Variants in TMCC3 observed in about 807,000 individuals in gnomAD.
TMCC3 encodes transmembrane and coiled-coil domain protein 3.
TMCC3 carries 28 observed loss-of-function variants against 40.2 expected under a neutral mutation model. The ratio of observed to expected loss-of-function variants is 0.70; its 90% CI spans 0.52 to 0.95. The LOEUF is 0.95. Ranked by LOEUF, TMCC3 falls within the 40% of genes least tolerant of loss-of-function variation. The probability of loss-of-function intolerance (pLI) is 0.00; values close to 1 mark genes in which losing one functional copy is unlikely to be tolerated. For synonymous variants in TMCC3, 255 were observed against 248.5 expected (o/e 1.03, Z -0.25); for missense variants, 554 against 615.2 (o/e 0.90, Z 1.05).
Position 94,609,617 on chromosome 12 carries a change from T to C in TMCC3, c.79-27079A>G, listed in dbSNP as rs549180490. 2.0e-5 allele frequency among the ~76,000 whole-genome samples: 3 copies of C among 152,326 alleles called. No homozygotes were observed. In the South Asian group the frequency reaches 6.2e-4, roughly 32 times the overall value. On this transcript the variant is annotated intron_variant, in intron 1 of 3. Transcript: ENST00000261226. ...TTTGCTATTTTCATATTATTTTCTA[T>C]GGGTAAAATTATGTATCAGGTAAGA...
chr12:94,600,827 C>T (rs1432341440), intron 1 of TMCC3, among the ~76,000 whole-genome samples: 1 of 152,164 alleles, frequency 6.6e-6, no homozygotes, highest in Non-Finnish European at 1.5e-5. Flanking sequence ...GTTTTATCAT[C>T]TTTGCTGGGT....
chr12:94,593,412 A>G, intron 1 of TMCC3, among the ~76,000 whole-genome samples: 1 of 69,368 alleles, frequency 1.4e-5, no homozygotes, highest in African/African-American at 7.7e-5. Flanking sequence ...AAGAAGAAGG[A>G]AGAAGAAGAA....
chr12:94,596,025 A>G (rs1276215521), intron 1 of TMCC3, among the ~76,000 whole-genome samples: 9 of 152,362 alleles, frequency 5.9e-5, no homozygotes, highest in Non-Finnish European at 1.0e-4. Context: ...TTTTCAAAAG[A>G]TAAATCAGAT....
chr12:94,567,645 C>G lies in TMCC3; in HGVS notation c.*3790G>C, dbSNP rs1199793790. On this transcript the variant is annotated 3_prime_UTR_variant, in exon 4 of 4. Coordinates refer to ENST00000261226, the MANE Select transcript of TMCC3 (RefSeq NM_020698.4). ...TTTATCTTTTTAAACCAACTCGTTC[C>G]TTTGTGCATGTGCTAACCTTAAAAC... 6.6e-6 allele frequency: 1 copy of G among 152,012 alleles called. No individual in the cohort carries two copies. Among genetic ancestry groups the G allele is most frequent in the Non-Finnish European group, 1.5e-5 (1 of 68,024 alleles). The allele number at this position is 152,012 out of a possible 1,614,324, so 9.4% of individuals were successfully genotyped here. A position where few individuals can be genotyped will look rare whatever the true frequency, so the allele number is the denominator to read the frequency against.
intron 1 of TMCC3, among the ~76,000 whole-genome samples, chr12:94,610,293 C>T (rs1392577359): frequency 6.6e-6 from 1 of 152,108 alleles, no homozygotes; most frequent in Non-Finnish European, 1.5e-5. Flanking sequence ...AAATACATTC[C>T]TTTTCCCCAG....
intron 1 of TMCC3, among the ~76,000 whole-genome samples, chr12:94,611,163 T>C (rs978109873): frequency 6.6e-6 from 1 of 152,174 alleles, no homozygotes; most frequent in Non-Finnish European, 1.5e-5. Context: ...AACTGAATTT[T>C]GTTTATGTAA....
chr12:94,629,226 T>C (rs1379972432), intron 1 of TMCC3, among the ~76,000 whole-genome samples: 1 of 152,144 alleles, frequency 6.6e-6, no homozygotes, highest in Non-Finnish European at 1.5e-5. Flanking sequence ...CTACCAACAA[T>C]GTCCTACAAA....
rs983928084 is a variant in TMCC3, at chr12:94,604,096, A to G, written c.79-21558T>C. Among the ~76,000 whole-genome samples, 10 of 152,362 alleles carry G rather than the reference A, an allele frequency of 6.6e-5. 1 individual carries two copies. The highest frequency in any genetic ancestry group is 6.5e-4 in the Admixed American group (10 of 15,308). On this transcript the variant is annotated intron_variant, in intron 1 of 3. Transcript: ENST00000261226. Reference sequence around the variant, plus strand: ...CACGTGTACTACTAGCAAGGCATTAATATCTGTGGTTTAACTGAATACATC... The same window carrying G: ...CACGTGTACTACTAGCAAGGCATTAGTATCTGTGGTTTAACTGAATACATC...
intron 1 of TMCC3, among the ~76,000 whole-genome samples, chr12:94,648,744 G>C (rs1264362132): frequency 3.9e-5 from 6 of 152,172 alleles, no homozygotes; most frequent in Non-Finnish European, 8.8e-5. Context: ...AGTTGCATGA[G>C]TTTTGCCAAA....
At position 94,571,719 on chromosome 12, in the gene TMCC3, G is replaced by GAAAT; in HGVS notation, c.1149_1150insATTT (p.Gln384IlefsTer7). The GAAAT allele has an allele frequency of 6.2e-7, 1 of 1,613,962 alleles. No individual in the cohort carries two copies. Among genetic ancestry groups the GAAAT allele is most frequent in the Non-Finnish European group, 8.5e-7 (1 of 1,179,942 alleles). ...AGCTCCAGCTTAGAAATGCGAGTCT[G>GAAAT]GCAGGATTCCAAGGCTTCCTGTGAG... On this transcript the variant is annotated frameshift_variant, in exon 4 of 4. Coordinates refer to ENST00000261226, the MANE Select transcript of TMCC3 (RefSeq NM_020698.4). LOFTEE classifies it high-confidence loss of function.
chr12:94,611,769 CAA>C (rs200252242), intron 1 of TMCC3, among the ~76,000 whole-genome samples: 1 of 141,528 alleles, frequency 7.1e-6, no homozygotes, highest in Non-Finnish European at 1.5e-5. Context: ...GGAATAATGA[CAA>C]AAAAAAAAAC....
At chr12:94,624,861 C>T (rs1173797538) in intron 1 of TMCC3, among the ~76,000 whole-genome samples, 3 of 152,012 alleles carry the variant, frequency 2.0e-5, no homozygotes, top group African/African-American at 7.2e-5. Context: ...CGAAAATGGG[C>T]CAGGTGCGGT....
At chr12:94,630,388 A>G (rs1566334375) in intron 1 of TMCC3, among the ~76,000 whole-genome samples, 10 of 152,132 alleles carry the variant, frequency 6.6e-5, no homozygotes. Flanking sequence ...ATCCTTGCAG[A>G]TGTCTGGGTG....
At chr12:94,577,291 C>T (rs1179097760) in intron 3 of TMCC3, among the ~76,000 whole-genome samples, 2 of 152,202 alleles carry the variant, frequency 1.3e-5, no homozygotes, top group East Asian at 1.9e-4. Flanking sequence ...CGGATTCAAG[C>T]AATTCTCCCG....
chr12:94,638,145 A>G (rs2068970883), intron 1 of TMCC3, among the ~76,000 whole-genome samples: 1 of 152,214 alleles, frequency 6.6e-6, no homozygotes, highest in African/African-American at 2.4e-5. Context: ...ACAAGACACT[A>G]CGCAAAATAT....
chr12:94,649,506 A>G (rs1217703154), intron 1 of TMCC3, among the ~76,000 whole-genome samples: 2 of 152,180 alleles, frequency 1.3e-5, no homozygotes, highest in Non-Finnish European at 2.9e-5. Flanking sequence ...AGCGTGGAGG[A>G]GGTGCTTTGT....
intron 1 of TMCC3, among the ~76,000 whole-genome samples, chr12:94,593,230 G>A (rs1049338085): frequency 1.3e-5 from 2 of 150,638 alleles, no homozygotes; most frequent in Non-Finnish European, 3.0e-5. Context: ...AGCCAGGCAT[G>A]GTGGCGGGTG....
At chr12:94,572,305 TC>T (rs2068535916) in intron 3 of TMCC3, among the ~76,000 whole-genome samples, 2 of 91,858 alleles carry the variant, frequency 2.2e-5, no homozygotes, top group Non-Finnish European at 4.3e-5. Context: ...GCCGACTTCA[TC>T]TTTTTTTTTT....
chr12:94,615,675 G>T (rs537986014), intron 1 of TMCC3, among the ~76,000 whole-genome samples: 1 of 152,158 alleles, frequency 6.6e-6, no homozygotes, highest in Non-Finnish European at 1.5e-5. Flanking sequence ...ACTCACACTG[G>T]ACTGACATTT....
Sources: gnomAD v4.1 joint callset for allele counts (sites outside exome capture counted in the v4.1 genomes callset) on GRCh38, gnomAD v4.1.1 for gene constraint, MANE v1.5 for transcripts, NCBI Gene and HGNC (gene_info 2026-07-23, HGNC 2026-07-21) for gene names.